The following CEP152 variants were observed in gnomAD, a reference collection of about 807,000 sequenced individuals.
The protein encoded by CEP152 is centrosomal protein of 152 kDa.
CEP152 carries 132 observed loss-of-function variants against 188.9 expected under a neutral mutation model. The ratio of observed to expected loss-of-function variants is 0.70; its 90% CI spans 0.61 to 0.81. The LOEUF is 0.81. Ranked by LOEUF, CEP152 falls within the 30% of genes least tolerant of loss-of-function variation. The pLI, the probability that CEP152 is intolerant of heterozygous loss-of-function variation, is 0.00. For missense variants in CEP152, 1,914 were observed against 1,969.8 expected, an observed-to-expected ratio of 0.97 and a Z score of 0.54; for synonymous variants, 649 against 666.6, an observed-to-expected ratio of 0.97 and a Z score of 0.41.
chr15:48,752,263 C>T, intron 21 of CEP152, 86 bp downstream of exon 21: 1 of 1,609,496 alleles, frequency 6.2e-7, no homozygotes, highest in Non-Finnish European at 8.5e-7. Flanking sequence ...TTGTTCACAT[C>T]TATGATCTCC....
At chr15:48,797,277 T>C (rs1307657173) in intron 5 of CEP152, 24 bp downstream of exon 5, 3 of 1,613,368 alleles carry the variant, frequency 1.9e-6, no homozygotes, top group East Asian at 4.5e-5. Flanking sequence ...ACACAAGTTC[T>C]TGAAAGTCAA....
chr15:48,739,178 T>C lies in CEP152; in HGVS notation c.4204A>G (p.Ile1402Val), dbSNP rs1892784171. The C allele has an allele frequency of 1.2e-6, 2 of 1,614,068 alleles. No homozygotes were observed. The highest frequency in any genetic ancestry group is 1.7e-5 in the Admixed American group (1 of 60,004). Residue 1402 changes from isoleucine (I) to valine (V), a missense_variant, in exon 27 of 27, where the codon ATC becomes GTC. Transcript: ENST00000380950. ...GCTTGTTCGCACAGAGTTCTGGTGA[T>C]GGTGTTTACACTATTTGATTTGCTT... ...IESKSNSVNTITRTLCEQAPK... is the reference protein window; with the variant it reads ...IESKSNSVNTVTRTLCEQAPK...
downstream of CEP152, among the ~76,000 whole-genome samples, chr15:48,734,686 A>G (rs1892538999): frequency 6.6e-6 from 1 of 152,162 alleles, no homozygotes; most frequent in African/African-American, 2.4e-5. Flanking sequence ...ACAGAAAGAC[A>G]TGCCATGCAA....
chr15:48,783,775 G>GTATA lies in CEP152; in HGVS notation c.1321+194_1321+197dup, dbSNP rs10652796. ...TATATTTTTTTATATATGTGTGTATGTATATATATATATATGTATATATAT... is the reference window on the plus strand; with the variant it reads ...TATATTTTTTTATATATGTGTGTATGTATATATATATATATATATGTATATATAT... On this transcript the variant is annotated intron_variant, in intron 10 of 26. Transcript: ENST00000380950. The GTATA allele has an allele frequency of 0.035, 6,294 of 181,944 alleles. 287 individuals carry two copies. Among genetic ancestry groups the GTATA allele is most frequent in the African/African-American group, 0.11 (4,453 of 40,262 alleles). The allele number at this position is 181,944 out of a possible 1,614,324, so 11.3% of individuals were successfully genotyped here. A position where few individuals can be genotyped will look rare whatever the true frequency, so the allele number is the denominator to read the frequency against.
At chr15:48,744,874 C>T in intron 23 of CEP152, 22 bp downstream of exon 23, 1 of 1,589,080 alleles carries the variant, frequency 6.3e-7, no homozygotes, top group Non-Finnish European at 8.6e-7. Flanking sequence ...TAAAATAGCA[C>T]TTTAAAATAG....
intron 13 of CEP152, among the ~76,000 whole-genome samples, chr15:48,771,726 T>C (rs1018033366): frequency 6.6e-6 from 1 of 152,218 alleles, no homozygotes; most frequent in African/African-American, 2.4e-5. Context: ...GAAAATATCA[T>C]TAAGTCAAAA....
downstream of CEP152, among the ~76,000 whole-genome samples, chr15:48,737,244 T>A (rs1334705706): frequency 6.6e-6 from 1 of 152,144 alleles, no homozygotes; most frequent in African/African-American, 2.4e-5. Flanking sequence ...ATACACTAGA[T>A]TAACCCCCAA....
In CEP152 at chr15:48,772,631, T is replaced by A. The variant is rs1187296239; in HGVS notation, c.1638A>T (p.Leu546Phe). ...ELSKDEFILK[L>F]KAEVQRLLGS... ...CCAGCAAACGCTGTACTTCTGCCTT[T>A]AACTTCAGAATGAACTCATCTTTTG... Residue 546 changes from leucine to phenylalanine, a missense_variant, in exon 13 of 27, where the codon TTA (leucine) becomes TTT (phenylalanine). Physicochemically the swap from Leu to Phe is conservative, Grantham distance 22. Transcript: ENST00000380950. 1 of 1,614,134 alleles carries A rather than the reference T, an allele frequency of 6.2e-7. No homozygotes were observed. Among genetic ancestry groups the A allele is most frequent in the Admixed American group, 1.7e-5 (1 of 60,014 alleles).
chr15:48,748,693 A>G (rs1893660726), intron 21 of CEP152, 83 bp from the exon 22 acceptor site: 3 of 1,312,168 alleles, frequency 2.3e-6, no homozygotes, highest in African/African-American at 3.0e-5. Flanking sequence ...AGACAGAAAG[A>G]AAAGCAGATG....
chr15:48,772,679 T>C lies in CEP152; in HGVS notation c.1590A>G (p.Glu530=), dbSNP rs766037161. Residue 530 remains glutamate (E), a synonymous_variant, in exon 13 of 27, where the codon GAA becomes GAG. Transcript: ENST00000380950. ...KKSKVTSIVQ[E]EDPNEELSKD... ...TTGAAAGCTCTTCATTTGGGTCTTC[T>C]TCTTGTACAATGCTAATGGAGAAAT... The C allele has an allele frequency of 6.8e-6, 11 of 1,613,748 alleles. 1 individual carries two copies. In the South Asian group the frequency reaches 1.2e-4, roughly 18 times the overall value.
At chr15:48,762,718 A>T (rs1256111362) in intron 17 of CEP152, 46 bp from the exon 18 acceptor site, 1 of 1,586,284 alleles carries the variant, frequency 6.3e-7, no homozygotes, top group Non-Finnish European at 8.6e-7. Context: ...TTTTCAAATA[A>T]GTAAAAACTA....
rs1897383609 is a variant in CEP152 at position 48,797,582 on chromosome 15, A to G, written c.262-3T>C. 6.2e-7 allele frequency: 1 copy of G among 1,614,066 alleles called. No individual in the cohort carries two copies. Among genetic ancestry groups the G allele is most frequent in the Non-Finnish European group, 8.5e-7 (1 of 1,179,986 alleles). On this transcript the variant is annotated splice_region_variant and splice_polypyrimidine_tract_variant and intron_variant, in intron 4 of 26. Coordinates refer to ENST00000380950, the MANE Select transcript of CEP152 (RefSeq NM_001194998.2). Reference sequence around the variant, plus strand: ...AAACTCTGAATTTCATTATAGCCCTATTAGATAACAAGAGTAAAACAAAAG... The same window carrying G: ...AAACTCTGAATTTCATTATAGCCCTGTTAGATAACAAGAGTAAAACAAAAG...
At chr15:48,790,840 T>G (rs1035646569) in intron 8 of CEP152, among the ~76,000 whole-genome samples, 4 of 152,206 alleles carry the variant, frequency 2.6e-5, no homozygotes, top group African/African-American at 9.6e-5. Flanking sequence ...AGTGCTGGGA[T>G]TACAGGCGTG....
At chr15:48,752,277 T>G in intron 21 of CEP152, 72 bp downstream of exon 21, 3 of 1,612,988 alleles carry the variant, frequency 1.9e-6, no homozygotes, top group Non-Finnish European at 2.5e-6. Flanking sequence ...GATCTCCTTT[T>G]ATCCTCAAAG....
At chr15:48,755,195 C>T (rs978895513) in intron 20 of CEP152, among the ~76,000 whole-genome samples, 6 of 152,086 alleles carry the variant, frequency 3.9e-5, no homozygotes, top group Non-Finnish European at 8.8e-5. Flanking sequence ...ACTTATATAA[C>T]TAAAAGAATA....
At chr15:48,762,195 A>C (rs1194545642) in intron 18 of CEP152, among the ~76,000 whole-genome samples, 196 bp downstream of exon 18, 1 of 152,242 alleles carries the variant, frequency 6.6e-6, no homozygotes, top group Non-Finnish European at 1.5e-5. Flanking sequence ...GAATATACAG[A>C]AAAACCGAGG....
At chr15:48,746,577 T>C (rs1893446965) in intron 22 of CEP152, among the ~76,000 whole-genome samples, 1 of 152,162 alleles carries the variant, frequency 6.6e-6, no homozygotes, top group Non-Finnish European at 1.5e-5. Flanking sequence ...GTAATTATTA[T>C]CTATCTCTTA....
rs118026404 is a variant in CEP152 at position 48,749,584 on chromosome 15, A to G, written c.3467-974T>C. Reference sequence around the variant, plus strand: ...GACACCACAATTTTTAGATGTAACAACATATCACCCCTTGCAGTGCTCCAG... The same window carrying G: ...GACACCACAATTTTTAGATGTAACAGCATATCACCCCTTGCAGTGCTCCAG... On this transcript the variant is annotated intron_variant, in intron 21 of 26. Transcript: ENST00000380950. Among the ~76,000 whole-genome samples the G allele has an allele frequency of 4.7e-4, 71 of 152,254 alleles. No individual in the cohort carries two copies. In the East Asian group the frequency reaches 0.014, roughly 29 times the overall value.
chr15:48,797,906 T>C (rs1360068781), intron 3 of CEP152, 42 bp downstream of exon 3: 32 of 1,538,912 alleles, frequency 2.1e-5, no homozygotes, highest in Admixed American at 3.4e-5. Context: ...AAAAGACTTA[T>C]AGAATTGCAA....
Sources: allele counts gnomAD v4.1 joint callset (sites outside exome capture counted in the v4.1 genomes callset), GRCh38; gene constraint gnomAD v4.1.1; transcripts MANE v1.5; gene names NCBI Gene and HGNC (gene_info 2026-07-23, HGNC 2026-07-21).